SLC10A7: variants seen among roughly 807,000 people sequenced by gnomAD.
The protein encoded by SLC10A7 is solute carrier family 10 member 7.
A neutral mutation model predicts 43.2 loss-of-function variants in SLC10A7; 29 were observed. The observed-to-expected ratio is 0.67, with a 90% CI of 0.50 to 0.92. The LOEUF (loss-of-function observed/expected upper bound fraction) is 0.92, where lower values mean the gene tolerates loss of function less well. Among genes scored for constraint, SLC10A7 ranks in the 40% least tolerant of loss-of-function variants. SLC10A7 has a pLI of 0.00. For missense variants in SLC10A7, 295 were observed against 403.2 expected, an observed-to-expected ratio of 0.73 and a Z score of 2.30; for synonymous variants, 152 against 144.8, an observed-to-expected ratio of 1.05 and a Z score of -0.35.
At position 146,467,282 on chromosome 4, in the gene SLC10A7, C is replaced by G. The variant is rs138702701; in HGVS notation, c.397-24461G>C. ...AGGCAAACTCAAGTTCTGCCTTTCA[C>G]TCCCTTCCACTGTCAGTTTCCTGTT... On this transcript the variant is annotated intron_variant, in intron 4 of 11. Transcript: ENST00000335472. Among the ~76,000 whole-genome samples, 230 of 152,240 alleles carry G rather than the reference C, an allele frequency of 1.5e-3. 7 individuals are homozygous for G. The South Asian group carries it at 0.046, about 30-fold the overall frequency.
rs1018061859 is a variant in SLC10A7, at chr4:146,466,961, G to A, written c.397-24140C>T. On this transcript the variant is annotated intron_variant, in intron 4 of 11. Coordinates refer to ENST00000335472, the MANE Select transcript of SLC10A7 (RefSeq NM_001029998.6). ...CTATAATCCTGTCTACCAGGCTGTT[G>A]GGATTGTCATGGCCCCAAAAAACAA... 2.6e-5 allele frequency among the ~76,000 whole-genome samples: 4 copies of A among 152,078 alleles called. No homozygotes were observed. In the East Asian group the frequency reaches 7.7e-4, roughly 29 times the overall value.
At chr4:146,278,543 G>A (rs1463645872) in intron 10 of SLC10A7, among the ~76,000 whole-genome samples, 1 of 152,150 alleles carries the variant, frequency 6.6e-6, no homozygotes, top group Non-Finnish European at 1.5e-5. Context: ...ACAGTTTGGA[G>A]GGTCTGAAGG....
At chr4:146,481,766 A>G (rs1357166088) in intron 4 of SLC10A7, among the ~76,000 whole-genome samples, 1 of 152,150 alleles carries the variant, frequency 6.6e-6, no homozygotes, top group Non-Finnish European at 1.5e-5. Flanking sequence ...AGGTGCTAAT[A>G]GTAATCTCAA....
At chr4:146,274,560 G>A (rs1324687369) in intron 10 of SLC10A7, among the ~76,000 whole-genome samples, 1 of 152,078 alleles carries the variant, frequency 6.6e-6, no homozygotes, top group Non-Finnish European at 1.5e-5. Context: ...AAATACTGTT[G>A]TTTAACCAGA....
At chr4:146,460,330 CTAGG>C (rs1217151098) in intron 4 of SLC10A7, among the ~76,000 whole-genome samples, 1 of 151,948 alleles carries the variant, frequency 6.6e-6, no homozygotes, top group Non-Finnish European at 1.5e-5. Flanking sequence ...CATCCCACCA[CTAGG>C]TATTTACGCA....
chr4:146,382,474 G>A (rs1737698901), intron 5 of SLC10A7, among the ~76,000 whole-genome samples: 1 of 152,084 alleles, frequency 6.6e-6, no homozygotes, highest in South Asian at 2.1e-4. Flanking sequence ...CTTTAATAAC[G>A]AGTAGTGCTG....
At chr4:146,511,077 ACT>A (rs1737421778) in intron 2 of SLC10A7, among the ~76,000 whole-genome samples, 1 of 152,200 alleles carries the variant, frequency 6.6e-6, no homozygotes, top group Admixed American at 6.5e-5. Context: ...GTTGAGGGCT[ACT>A]ATATGGTGAA....
intron 4 of SLC10A7, among the ~76,000 whole-genome samples, chr4:146,484,429 A>G (rs1734746627): frequency 6.6e-6 from 1 of 152,208 alleles, no homozygotes; most frequent in South Asian, 2.1e-4. Context: ...TTGCACTTTG[A>G]CTATATGTCT....
chr4:146,392,881 C>A (rs1738542834), intron 5 of SLC10A7, among the ~76,000 whole-genome samples: 2 of 152,124 alleles, frequency 1.3e-5, no homozygotes, highest in African/African-American at 2.4e-5. Context: ...ACTACCTCAG[C>A]CTCATCTCAA....
chr4:146,442,405 C>T, intron 5 of SLC10A7: 1 of 1,007,334 alleles, frequency 9.9e-7, no homozygotes. Flanking sequence ...AATTAGCATT[C>T]CCTTTCTGAC....
chr4:146,319,736 G>C (rs552141273), intron 6 of SLC10A7, among the ~76,000 whole-genome samples: 1 of 152,068 alleles, frequency 6.6e-6, no homozygotes, highest in African/African-American at 2.4e-5. Flanking sequence ...GTAGGATAAG[G>C]TGAGGTTTAA....
At chr4:146,433,613 C>G (rs1041976790) in intron 5 of SLC10A7, among the ~76,000 whole-genome samples, 8 of 152,116 alleles carry the variant, frequency 5.3e-5, no homozygotes, top group Non-Finnish European at 1.2e-4. Context: ...TGCCTACAAT[C>G]CCAGCACTTT....
At chr4:146,258,590 A>T in intron 11 of SLC10A7, 102 bp downstream of exon 11, 1 of 1,122,458 alleles carries the variant, frequency 8.9e-7, no homozygotes, top group Admixed American at 2.8e-5. Context: ...GTACTTGAAA[A>T]CAAAGATATG....
Position 146,256,558 on chromosome 4 carries a change from T to C in SLC10A7, c.994-38A>G, listed in dbSNP as rs367843951. 7 of 1,611,218 alleles carry C rather than the reference T, an allele frequency of 4.3e-6. No homozygotes were observed. In the African/African-American group the frequency reaches 8.0e-5, roughly 18 times the overall value. Reference sequence around the variant, plus strand: ...AAAACATGTTCAGAGTTGGACAGTATCCATGAGGAAAGTGAAAGCATCAAT... The same window carrying C: ...AAAACATGTTCAGAGTTGGACAGTACCCATGAGGAAAGTGAAAGCATCAAT... On this transcript the variant is annotated intron_variant, in intron 11 of 11. Coordinates refer to ENST00000335472, the MANE Select transcript of SLC10A7 (RefSeq NM_001029998.6).
chr4:146,395,145 G>A (rs1228486054), intron 5 of SLC10A7, among the ~76,000 whole-genome samples: 5 of 152,008 alleles, frequency 3.3e-5, no homozygotes, highest in Admixed American at 3.3e-4. Flanking sequence ...GAGGCTGGAG[G>A]ACTGCCTGAG....
chr4:146,350,396 C>T (rs1441916741), intron 5 of SLC10A7, among the ~76,000 whole-genome samples: 2 of 94,804 alleles, frequency 2.1e-5, no homozygotes, highest in African/African-American at 4.1e-5. Flanking sequence ...CACGGAATCT[C>T]GCTGATTGCT....
chr4:146,412,324 G>A (rs1269493218), intron 5 of SLC10A7, among the ~76,000 whole-genome samples: 1 of 152,242 alleles, frequency 6.6e-6, no homozygotes, highest in African/African-American at 2.4e-5. Flanking sequence ...TCAAACATTA[G>A]TATTGATTGT....
chr4:146,294,932 A>G (rs9784436), intron 7 of SLC10A7, among the ~76,000 whole-genome samples: 34,489 of 151,908 alleles, frequency 0.23, 4,191 homozygotes, highest in African/African-American at 0.32. Context: ...CATCATAAGG[A>G]CGATAGCTGA....
At chr4:146,498,806 C>A (rs1459609844) in intron 4 of SLC10A7, among the ~76,000 whole-genome samples, 2 of 152,074 alleles carry the variant, frequency 1.3e-5, no homozygotes, top group Non-Finnish European at 2.9e-5. Flanking sequence ...CAATAATAAC[C>A]TAAGTTATAA....
Sources: gnomAD v4.1 joint callset for allele counts (sites outside exome capture counted in the v4.1 genomes callset) on GRCh38, gnomAD v4.1.1 for gene constraint, MANE v1.5 for transcripts, NCBI Gene and HGNC (gene_info 2026-07-23, HGNC 2026-07-21) for gene names.